Variants in FEM1C observed in about 807,000 individuals in gnomAD.
The protein encoded by FEM1C is fem-1 homolog C.
Under a neutral mutation model 37.6 loss-of-function variants are expected in FEM1C, and 15 were observed. That is an observed-to-expected ratio of 0.40 (90% confidence interval 0.27 to 0.61). The LOEUF (loss-of-function observed/expected upper bound fraction) is 0.61, where lower values mean the gene tolerates loss of function less well. Ranked by LOEUF, FEM1C falls within the 20% of genes least tolerant of loss-of-function variation. The probability of loss-of-function intolerance (pLI) is 0.42; values close to 1 mark genes in which losing one functional copy is unlikely to be tolerated. For missense variants in FEM1C, 532 were observed against 749.7 expected (o/e 0.71, Z 3.39); for synonymous variants, 287 against 272.8 (o/e 1.05, Z -0.51).
intron 2 of FEM1C, among the ~76,000 whole-genome samples, chr5:115,529,761 T>C (rs549882818): frequency 6.6e-6 from 1 of 152,208 alleles, no homozygotes; most frequent in Admixed American, 6.5e-5. Context: ...GATCTCTTTC[T>C]TGTAAAGACA....
In FEM1C at chr5:115,525,335, C is replaced by G; in HGVS notation, c.827G>C (p.Arg276Thr). 1 of 1,613,662 alleles carries G rather than the reference C, an allele frequency of 6.2e-7. No homozygotes were observed. The highest frequency in any genetic ancestry group is 8.5e-7 in the Non-Finnish European group (1 of 1,179,800). ...LKYWKKAMNMRYSDRTNIISK... is the reference protein window; with the variant it reads ...LKYWKKAMNMTYSDRTNIISK... ...AATAATATTAGTCCTATCACTGTAC[C>G]TCATGTTCATTGCCTTTTTCCAGTA... is the stretch of plus-strand genomic sequence containing the variant. The change falls in exon 3 of 3, where the codon AGG becomes ACG. Residue 276 changes from arginine (R) to threonine (T), a missense_variant. Physicochemically the swap from Arg to Thr is moderately conservative, Grantham distance 71. This residue lies in a region of FEM1C where 221 missense variants were observed against 404.1 expected (regional missense o/e 0.55). Coordinates refer to ENST00000274457, the MANE Select transcript of FEM1C (RefSeq NM_020177.3).
chr5:115,534,507 T>C (rs973029090), intron 2 of FEM1C, among the ~76,000 whole-genome samples: 12 of 151,956 alleles, frequency 7.9e-5, no homozygotes, highest in African/African-American at 2.7e-4. Flanking sequence ...ACCAACCATC[T>C]AAATCATAAA....
chr5:115,524,228 G>T lies in FEM1C; in HGVS notation c.*80C>A. ...ATATCAATCAAGCTAAATGAATGCTGGTGTTATCACAACAGTGCTCATTTA... is the reference window on the plus strand; with the variant it reads ...ATATCAATCAAGCTAAATGAATGCTTGTGTTATCACAACAGTGCTCATTTA... On this transcript the variant is annotated 3_prime_UTR_variant, in exon 3 of 3. Coordinates refer to ENST00000274457, the MANE Select transcript of FEM1C (RefSeq NM_020177.3). 3 of 1,109,198 alleles carry T rather than the reference G, an allele frequency of 2.7e-6. No individual in the cohort carries two copies. Among genetic ancestry groups the T allele is most frequent in the Non-Finnish European group, 4.0e-6 (3 of 746,338 alleles). The allele number at this position is 1,109,198 out of a possible 1,614,324, so 68.7% of individuals were successfully genotyped here.
At chr5:115,543,781 C>A in intron 1 of FEM1C, 98 bp from the exon 2 acceptor site, 2 of 1,192,260 alleles carry the variant, frequency 1.7e-6, no homozygotes, top group Non-Finnish European at 2.1e-6. Context: ...GGAATAAAAG[C>A]TATACTTCAG....
intron 1 of FEM1C, among the ~76,000 whole-genome samples, 176 bp downstream of exon 1, chr5:115,544,347 G>A (rs548056793): frequency 1.4e-5 from 2 of 142,956 alleles, no homozygotes; most frequent in South Asian, 2.3e-4. Context: ...TCCAGACAAC[G>A]GCAGCCCCCT....
chr5:115,526,013 A>G (rs1235385741), intron 2 of FEM1C, among the ~76,000 whole-genome samples: 2 of 152,092 alleles, frequency 1.3e-5, no homozygotes, highest in Non-Finnish European at 1.5e-5. Context: ...CCACATTTAT[A>G]AACAAGGAAT....
chr5:115,535,102 A>C (rs1009121065), intron 2 of FEM1C, among the ~76,000 whole-genome samples: 3 of 151,930 alleles, frequency 2.0e-5, no homozygotes, highest in Admixed American at 1.3e-4. Flanking sequence ...ATTAGATTAC[A>C]AAGTTTCATC....
In FEM1C at chr5:115,524,677, T is replaced by G. The variant is rs776949203; in HGVS notation, c.1485A>C (p.Thr495=). ...TACAAACAGGGTACCGCCCTACACATGTAGTATTCTTGTCCACAGCCAGAT... is the reference window on the plus strand; with the variant it reads ...TACAAACAGGGTACCGCCCTACACAGGTAGTATTCTTGTCCACAGCCAGAT... ...PLHLAVDKNT[T]CVGRYPVCKF... is the part of the protein sequence containing the mutation. The change falls in exon 3 of 3, where the codon ACA becomes ACC. Residue 495 remains threonine (T), a synonymous_variant. Coordinates refer to ENST00000274457, the MANE Select transcript of FEM1C (RefSeq NM_020177.3). The G allele has an allele frequency of 1.3e-6, 2 of 1,549,864 alleles. No homozygotes were observed. The highest frequency in any genetic ancestry group is 1.7e-6 in the Non-Finnish European group (2 of 1,152,742).
intron 2 of FEM1C, among the ~76,000 whole-genome samples, chr5:115,539,427 C>G (rs546022141): frequency 3.9e-5 from 6 of 152,006 alleles, no homozygotes; most frequent in Non-Finnish European, 8.8e-5. Flanking sequence ...CTGAGAAGGA[C>G]TCACCTAATC....
chr5:115,536,191 G>T (rs187729417), intron 2 of FEM1C, among the ~76,000 whole-genome samples: 1 of 151,896 alleles, frequency 6.6e-6, no homozygotes, highest in Non-Finnish European at 1.5e-5. Context: ...CCATTGAATT[G>T]TATACACTTT....
At chr5:115,528,578 C>T (rs2127170344) in intron 2 of FEM1C, among the ~76,000 whole-genome samples, 1 of 152,116 alleles carries the variant, frequency 6.6e-6, no homozygotes, top group East Asian at 1.9e-4. Context: ...TTGAAATAAT[C>T]CAGGATGACT....
At chr5:115,537,983 T>C (rs114167071) in intron 2 of FEM1C, among the ~76,000 whole-genome samples, 1 of 152,022 alleles carries the variant, frequency 6.6e-6, no homozygotes, top group Non-Finnish European at 1.5e-5. Flanking sequence ...TTAAATAAGA[T>C]TTTTCTTTAG....
chr5:115,543,236 A>C lies in FEM1C; in HGVS notation c.258T>G (p.Pro86=). The C allele has an allele frequency of 6.2e-7, 1 of 1,614,232 alleles. No homozygotes were observed. Among genetic ancestry groups the C allele is most frequent in the South Asian group, 1.1e-5 (1 of 91,084 alleles). ...GTCCTGCTGCAGAAGCGGCCCATAAAGGGGGAGCCCCCTCAATGGTTTCGC... is the reference window on the plus strand; with the variant it reads ...GTCCTGCTGCAGAAGCGGCCCATAACGGGGGAGCCCCCTCAATGGTTTCGC... ...FDGETIEGAP[P]LWAASAAGHL... Residue 86 remains proline (P), a synonymous_variant, in exon 2 of 3, where the codon CCT becomes CCG. Transcript: ENST00000274457.
chr5:115,540,571 T>C (rs943796223), intron 2 of FEM1C, among the ~76,000 whole-genome samples: 8 of 152,002 alleles, frequency 5.3e-5, no homozygotes, highest in South Asian at 4.1e-4. Flanking sequence ...TAAAAGATGA[T>C]AGTGGTGATA....
chr5:115,525,336 T>G lies in FEM1C; in HGVS notation c.826A>C (p.Arg276=). 6.2e-7 allele frequency: 1 copy of G among 1,613,756 alleles called. No individual in the cohort carries two copies. Among genetic ancestry groups the G allele is most frequent in the Non-Finnish European group, 8.5e-7 (1 of 1,179,810 alleles). ...ATAATATTAGTCCTATCACTGTACC[T>G]CATGTTCATTGCCTTTTTCCAGTAT... ...LKYWKKAMNM[R]YSDRTNIISK... Residue 276 remains arginine (R), a synonymous_variant, in exon 3 of 3, where the codon AGG becomes CGG. Coordinates refer to ENST00000274457, the MANE Select transcript of FEM1C (RefSeq NM_020177.3).
chr5:115,525,374 A>G lies in FEM1C; in HGVS notation c.788T>C (p.Leu263Pro), dbSNP rs1380008673. 1 of 1,613,536 alleles carries G rather than the reference A, an allele frequency of 6.2e-7. No individual in the cohort carries two copies. Among genetic ancestry groups the G allele is most frequent in the Non-Finnish European group, 8.5e-7 (1 of 1,179,780 alleles). Residue 263 changes from leucine (L) to proline (P), a missense_variant, in exon 3 of 3, where the codon CTT becomes CCT. Physicochemically the swap from Leu to Pro is moderately conservative, Grantham distance 98. This residue lies in a region of FEM1C where 221 missense variants were observed against 404.1 expected (regional missense o/e 0.55). Coordinates refer to ENST00000274457, the MANE Select transcript of FEM1C (RefSeq NM_020177.3). The part of the protein sequence containing the change: ...ATFVDKKRDL[L>P]GALKYWKKAM... ...CTTTTTCCAGTATTTCAAAGCCCCAAGCAGATCTCTTTTTTTGTCTACAAA... is the reference window on the plus strand; with the variant it reads ...CTTTTTCCAGTATTTCAAAGCCCCAGGCAGATCTCTTTTTTTGTCTACAAA...
chr5:115,528,162 G>A (rs1371977328), intron 2 of FEM1C, among the ~76,000 whole-genome samples: 5 of 151,988 alleles, frequency 3.3e-5, no homozygotes, highest in Non-Finnish European at 5.9e-5. Flanking sequence ...TTCACATCCA[G>A]TAATGGCAGA....
chr5:115,527,678 A>C (rs1025120489), intron 2 of FEM1C, among the ~76,000 whole-genome samples: 16 of 152,154 alleles, frequency 1.1e-4, no homozygotes, highest in African/African-American at 3.9e-4. Flanking sequence ...ACTTTTCTCT[A>C]TTCAGAGTAG....
intron 1 of FEM1C, 87 bp from the exon 2 acceptor site, chr5:115,543,770 A>G (rs879731559): frequency 2.4e-6 from 3 of 1,231,038 alleles, no homozygotes; most frequent in African/African-American, 1.6e-5. Context: ...GTGGGAAGAA[A>G]GGAATAAAAG....
Sources: gnomAD v4.1 joint callset for allele counts (sites outside exome capture counted in the v4.1 genomes callset) on GRCh38, gnomAD v4.1.1 for gene constraint, gnomAD v4.1.1 regional missense constraint, MANE v1.5 for transcripts, NCBI Gene and HGNC (gene_info 2026-07-23, HGNC 2026-07-21) for gene names.